Variants in CFI observed in about 807,000 individuals in gnomAD.
The protein encoded by CFI is complement factor I.
Under a neutral mutation model 78.8 loss-of-function variants are expected in CFI, and 66 were observed. The ratio of observed to expected loss-of-function variants is 0.84; its 90% CI spans 0.69 to 1.03. The LOEUF (loss-of-function observed/expected upper bound fraction) is 1.03. CFI is among the 50% of genes least tolerant of loss of function. The probability of loss-of-function intolerance (pLI) is 0.00; values close to 1 mark genes in which losing one functional copy is unlikely to be tolerated. For missense variants in CFI, 706 were observed against 704.5 expected (o/e 1.00, Z -0.02); for synonymous variants, 250 against 232.6 (o/e 1.07, Z -0.68).
At chr4:109,757,959 G>A in intron 6 of CFI, 176 bp from the exon 7 acceptor site, 1 of 1,459,594 alleles carries the variant, frequency 6.9e-7, no homozygotes, top group Non-Finnish European at 9.1e-7. Flanking sequence ...ATGTCTAGCT[G>A]CTAAAACAAA....
At position 109,766,646 on chromosome 4, in the gene CFI, C is replaced by T; in HGVS notation, c.236G>A (p.Arg79Lys). Residue 79 changes from arginine to lysine, a missense_variant, in exon 2 of 13, where the codon AGG becomes AAG. Physicochemically the swap from Arg to Lys is conservative, Grantham distance 26 (BLOSUM62 2). Transcript: ENST00000394634. ...KNGTAVCATN[R>K]RSFPTYCQQK... The stretch of plus-strand genomic sequence containing the variant: ...TTGACAGTATGTTGGGAAGCTTCTC[C>T]TGTTAGTTGCACACACTGCAGTGCC... 6.2e-7 allele frequency: 1 copy of T among 1,614,190 alleles called. No homozygotes were observed. Among genetic ancestry groups the T allele is most frequent in the Non-Finnish European group, 8.5e-7 (1 of 1,180,026 alleles).
At chr4:109,784,837 A>G (rs1481142174) in intron 1 of CFI, among the ~76,000 whole-genome samples, 1 of 152,052 alleles carries the variant, frequency 6.6e-6, no homozygotes, top group Non-Finnish European at 1.5e-5. Context: ...AGCCCAAGCT[A>G]AGCCATCATA....
Position 109,773,112 on chromosome 4 carries a change from T to C in CFI, c.58-6288A>G, listed in dbSNP as rs189106766. 9.7e-4 allele frequency among the ~76,000 whole-genome samples: 148 copies of C among 152,278 alleles called. 1 individual carries two copies. The highest frequency in any genetic ancestry group is 3.5e-3 in the African/African-American group (145 of 41,550). On this transcript the variant is annotated intron_variant, in intron 1 of 12. Coordinates refer to ENST00000394634, the MANE Select transcript of CFI (RefSeq NM_000204.5). Reference sequence around the variant, plus strand: ...AACTTTCTCTTCCTGTGTCATGTGATCATGGGAACACAAATTGTAGCGATA... The same window carrying C: ...AACTTTCTCTTCCTGTGTCATGTGACCATGGGAACACAAATTGTAGCGATA...
chr4:109,746,904 T>C (rs1482781074), intron 10 of CFI, among the ~76,000 whole-genome samples: 2 of 152,186 alleles, frequency 1.3e-5, no homozygotes, highest in Non-Finnish European at 2.9e-5. Flanking sequence ...CTGCCAACCC[T>C]AGAGGTTCCC....
At chr4:109,798,147 CA>C (rs1732291210) in intron 1 of CFI, among the ~76,000 whole-genome samples, 1 of 152,012 alleles carries the variant, frequency 6.6e-6, no homozygotes, top group Admixed American at 6.5e-5. Flanking sequence ...CTCATGGAAC[CA>C]GAGAGTGGGA....
chr4:109,759,797 G>A (rs755871707), intron 6 of CFI, among the ~76,000 whole-genome samples: 18 of 152,170 alleles, frequency 1.2e-4, no homozygotes, highest in Non-Finnish European at 2.5e-4. Context: ...GGGAGGCTGA[G>A]GCAGGAGAAT....
intron 1 of CFI, among the ~76,000 whole-genome samples, chr4:109,799,826 T>C (rs976716677): frequency 6.6e-6 from 1 of 152,202 alleles, no homozygotes; most frequent in Admixed American, 6.5e-5. Context: ...TTAAGGCTAT[T>C]TTATGTACTC....
chr4:109,791,586 A>T (rs575834019), intron 1 of CFI, among the ~76,000 whole-genome samples: 2 of 152,282 alleles, frequency 1.3e-5, no homozygotes, highest in East Asian at 3.9e-4. Flanking sequence ...TTTACATTTA[A>T]TTCTTTAATC....
rs535439389 is a variant in CFI at position 109,789,047 on chromosome 4, C to T, written c.57+12868G>A. Among the ~76,000 whole-genome samples, 4 of 151,938 alleles carry T rather than the reference C, an allele frequency of 2.6e-5. No individual in the cohort carries two copies. The East Asian group carries it at 7.7e-4, about 29-fold the overall frequency. On this transcript the variant is annotated intron_variant, in intron 1 of 12. Transcript: ENST00000394634. ...TGATATGAAAAGGATCCAAATTGAA[C>T]TTCTAGGGATAAAAACTACAATACA...
intron 7 of CFI, among the ~76,000 whole-genome samples, chr4:109,756,954 A>AAAGAAAGG (rs1579205462): frequency 6.8e-6 from 1 of 146,848 alleles, no homozygotes; most frequent in Non-Finnish European, 1.5e-5. Context: ...AGAAAGAAAG[A>AAAGAAAGG]AAGAAAGAAA....
At chr4:109,731,315 A>G in the CFI span, among the ~76,000 whole-genome samples, 3 of 151,922 alleles carry the variant, frequency 2.0e-5, no homozygotes, top group Non-Finnish European at 4.4e-5. Flanking sequence ...GCACCACTGC[A>G]CTCCAGCTTG....
chr4:109,792,726 C>T (rs1368957000), intron 1 of CFI, among the ~76,000 whole-genome samples: 1 of 151,988 alleles, frequency 6.6e-6, no homozygotes, highest in Non-Finnish European at 1.5e-5. Flanking sequence ...ATTAATATAT[C>T]ATGTAATTTA....
Position 109,779,693 on chromosome 4 carries a change from A to C in CFI, c.58-12869T>G, listed in dbSNP as rs145916988. 5.3e-3 allele frequency among the ~76,000 whole-genome samples: 810 copies of C among 152,322 alleles called. 7 individuals are homozygous for C. Among genetic ancestry groups the C allele is most frequent in the African/African-American group, 0.019 (776 of 41,576 alleles). The stretch of plus-strand genomic sequence containing the variant: ...ATTGCCAAGACAATCCTAAGCCAAA[A>C]GAAGAAAGCTGGAGGCATCATGTGA... On this transcript the variant is annotated intron_variant, in intron 1 of 12. Coordinates refer to ENST00000394634, the MANE Select transcript of CFI (RefSeq NM_000204.5).
chr4:109,741,022 C>G lies in CFI; in HGVS notation c.1623G>C (p.Trp541Cys), dbSNP rs1466107842. 2 of 1,614,172 alleles carry G rather than the reference C, an allele frequency of 1.2e-6. No homozygotes were observed. The highest frequency in any genetic ancestry group is 1.7e-6 in the Non-Finnish European group (2 of 1,180,010). Reference protein sequence around the residue: ...CMDANNVTYVWGVVSWGENCG... With the variant: ...CMDANNVTYVCGVVSWGENCG... ...AGTTTTCCCCCCAACTCACAACACCCCAGACATAAGTCACATTGTTGGCAT... is the reference window on the plus strand; with the variant it reads ...AGTTTTCCCCCCAACTCACAACACCGCAGACATAAGTCACATTGTTGGCAT... Residue 541 changes from tryptophan (W) to cysteine (C), a missense_variant, in exon 13 of 13, where the codon TGG becomes TGC. Transcript: ENST00000394634.
At chr4:109,747,022 G>A (rs1724561154) in intron 10 of CFI, among the ~76,000 whole-genome samples, 1 of 152,146 alleles carries the variant, frequency 6.6e-6, no homozygotes, top group South Asian at 2.1e-4. Flanking sequence ...AGACTGTGCT[G>A]CTTGAAGCCA....
chr4:109,760,585 T>C lies in CFI; in HGVS notation c.710A>G (p.Gln237Arg), dbSNP rs1684670138. ...FQCVNGKYIS[Q>R]MKACDGINDC... is the part of the protein sequence containing the mutation. ...ATTGATACCATCACAGGCTTTCATC[T>C]GAGAAATGTATTTCCCATTCACACA... The change falls in exon 5 of 13, where the codon CAG becomes CGG. Residue 237 changes from glutamine (Q) to arginine (R), a missense_variant. By Grantham distance (43) the Gln-to-Arg change is conservative. Transcript: ENST00000394634. 6.2e-7 allele frequency: 1 copy of C among 1,611,384 alleles called. No homozygotes were observed. Among genetic ancestry groups the C allele is most frequent in the Non-Finnish European group, 8.5e-7 (1 of 1,177,510 alleles).
chr4:109,780,637 C>T (rs1349473725), intron 1 of CFI, among the ~76,000 whole-genome samples: 1 of 152,144 alleles, frequency 6.6e-6, no homozygotes, highest in African/African-American at 2.4e-5. Context: ...CCCAGCCATC[C>T]CATTACTGGG....
At chr4:109,793,241 C>T (rs1219230398) in intron 1 of CFI, among the ~76,000 whole-genome samples, 1 of 152,182 alleles carries the variant, frequency 6.6e-6, no homozygotes, top group East Asian at 1.9e-4. Flanking sequence ...AACTCTGTTC[C>T]TATACTGCTC....
chr4:109,758,078 T>C (rs1726551089), intron 6 of CFI: 2 of 688,984 alleles, frequency 2.9e-6, no homozygotes, highest in Non-Finnish European at 2.2e-6. Flanking sequence ...ATTACTAAAA[T>C]GCAAAGGCAG....
Sources: gnomAD v4.1 joint callset for allele counts (sites outside exome capture counted in the v4.1 genomes callset) on GRCh38, gnomAD v4.1.1 for gene constraint, MANE v1.5 for transcripts, NCBI Gene and HGNC (gene_info 2026-07-23, HGNC 2026-07-21) for gene names.